Variants in ENKUR observed in about 807,000 individuals in gnomAD.
The protein encoded by ENKUR is enkurin, TRPC channel interacting protein, also known as enkurin.
In ENKUR, 19 loss-of-function variants were observed where a neutral mutation model predicts 27.6. The observed-to-expected ratio is 0.69, with a 90% CI of 0.48 to 1.01. The LOEUF (loss-of-function observed/expected upper bound fraction) is 1.01, where lower values mean the gene tolerates loss of function less well. ENKUR is among the 50% of genes least tolerant of loss of function. ENKUR has a pLI of 0.00. For synonymous variants in ENKUR, 117 were observed against 96.9 expected, an observed-to-expected ratio of 1.21 and a Z score of -1.22; for missense variants, 312 against 310.5, an observed-to-expected ratio of 1.00 and a Z score of -0.04.
At chr10:25,057,117 T>C (rs1851267497) in intron 2 of ENKUR, among the ~76,000 whole-genome samples, 2 of 152,056 alleles carry the variant, frequency 1.3e-5, no homozygotes, top group African/African-American at 4.8e-5. Flanking sequence ...TGAGAAAAAG[T>C]AAAAAGAAAA....
At chr10:24,990,179 G>A (rs1173858286) in intron 4 of ENKUR, among the ~76,000 whole-genome samples, 1 of 152,126 alleles carries the variant, frequency 6.6e-6, no homozygotes, top group East Asian at 1.9e-4. Context: ...TTCATTTCAT[G>A]CATGTTCGTT....
intron 2 of ENKUR, among the ~76,000 whole-genome samples, chr10:25,056,542 G>C (rs1469709500): frequency 1.3e-5 from 2 of 152,178 alleles, no homozygotes; most frequent in Non-Finnish European, 2.9e-5. Context: ...TCTCGAGTTG[G>C]GAGAACGTAC....
At position 24,982,051 on chromosome 10, in the gene ENKUR, T is replaced by C. The variant is rs937468479; in HGVS notation, c.*2319A>G. ...AGTACCTTCTCTATACCAGCTGTTA[T>C]GCAGATTCTAAGGAATGCAGATGAA... On this transcript the variant is annotated 3_prime_UTR_variant, in exon 6 of 6. Transcript: ENST00000331161. 1 of 152,244 alleles carries C rather than the reference T, an allele frequency of 6.6e-6. No individual in the cohort carries two copies. Among genetic ancestry groups the C allele is most frequent in the Non-Finnish European group, 1.5e-5 (1 of 68,040 alleles). The allele number at this position is 152,244 out of a possible 1,614,324, so 9.4% of individuals were successfully genotyped here. A position where few individuals can be genotyped will look rare whatever the true frequency, so the allele number is the denominator to read the frequency against.
chr10:25,024,651 A>G (rs548636597), intron 2 of ENKUR: 1 of 1,614,248 alleles, frequency 6.2e-7, no homozygotes, highest in South Asian at 1.1e-5. Flanking sequence ...GGGGCCGACT[A>G]CTTCCGCAGG....
chr10:25,023,656 C>T, intron 2 of ENKUR: 1 of 1,614,084 alleles, frequency 6.2e-7, no homozygotes, highest in Non-Finnish European at 8.5e-7. Context: ...CATGTGGCAT[C>T]TGAAGAAAAA....
intron 2 of ENKUR, among the ~76,000 whole-genome samples, chr10:25,046,868 T>G: frequency 6.6e-6 from 1 of 152,240 alleles, no homozygotes; most frequent in East Asian, 1.9e-4. Flanking sequence ...GTGGCTGTAC[T>G]TGAAAGTAAG....
At chr10:24,997,960 A>G (rs974891337) in intron 2 of ENKUR, among the ~76,000 whole-genome samples, 10 of 152,140 alleles carry the variant, frequency 6.6e-5, no homozygotes, top group East Asian at 5.8e-4. Context: ...ATTGTTGGTC[A>G]TAGAATGCTG....
At chr10:25,018,403 A>G (rs1264142351), upstream of ENKUR, among the ~76,000 whole-genome samples, 1 of 152,242 alleles carries the variant, frequency 6.6e-6, no homozygotes, top group Non-Finnish European at 1.5e-5. Context: ...AAAGGGGTAG[A>G]CAGTAAATAT....
At chr10:25,037,031 C>T (rs1342758479) in intron 2 of ENKUR, among the ~76,000 whole-genome samples, 2 of 152,124 alleles carry the variant, frequency 1.3e-5, no homozygotes, top group African/African-American at 4.8e-5. Context: ...ACAGTTACAC[C>T]GGCAAATTGG....
chr10:25,034,147 C>T (rs550898014), intron 2 of ENKUR, among the ~76,000 whole-genome samples: 6 of 151,602 alleles, frequency 4.0e-5, no homozygotes, highest in Middle Eastern at 3.4e-3. Context: ...TACAGTAAAA[C>T]GTATTATTTA....
intron 1 of ENKUR, 47 bp downstream of exon 1, chr10:25,015,811 AGT>A: frequency 6.6e-7 from 1 of 1,517,780 alleles, no homozygotes; most frequent in Non-Finnish European, 8.9e-7. Flanking sequence ...ATTAATACTG[AGT>A]ATTCCCCATT....
At chr10:25,020,696 A>G (rs1850702051), upstream of ENKUR, among the ~76,000 whole-genome samples, 1 of 151,720 alleles carries the variant, frequency 6.6e-6, no homozygotes, top group Non-Finnish European at 1.5e-5. Context: ...AGCTGAGATC[A>G]TGCCACTGCA....
At chr10:25,058,533 A>T (rs1851286287) in intron 2 of ENKUR, among the ~76,000 whole-genome samples, 1 of 152,206 alleles carries the variant, frequency 6.6e-6, no homozygotes, top group African/African-American at 2.4e-5. Flanking sequence ...TAGAGCAAAA[A>T]TTGGTTCTCA....
intron 2 of ENKUR, among the ~76,000 whole-genome samples, chr10:25,052,662 C>T (rs931756844): frequency 2.6e-5 from 4 of 152,104 alleles, no homozygotes; most frequent in African/African-American, 7.2e-5. Context: ...GTCTCAGCTA[C>T]TCAGGAGGCT....
intron 1 of ENKUR, among the ~76,000 whole-genome samples, chr10:25,006,169 C>A (rs536495871): frequency 6.6e-6 from 1 of 152,136 alleles, no homozygotes; most frequent in Non-Finnish European, 1.5e-5. Flanking sequence ...CAGATAGCTG[C>A]ACACCCAGAG....
At chr10:25,004,892 G>C (rs1185995047) in intron 1 of ENKUR, among the ~76,000 whole-genome samples, 4 of 152,000 alleles carry the variant, frequency 2.6e-5, no homozygotes, top group Non-Finnish European at 2.9e-5. Context: ...TTATAGTTTT[G>C]GGTTTTACGT....
intron 2 of ENKUR, among the ~76,000 whole-genome samples, chr10:25,057,537 T>G (rs1755675811): frequency 6.6e-6 from 1 of 152,126 alleles, no homozygotes; most frequent in African/African-American, 2.4e-5. Flanking sequence ...TTTTATTCAA[T>G]GAATTAATTG....
intron 2 of ENKUR, among the ~76,000 whole-genome samples, chr10:25,054,457 TTTTCTTTC>T (rs55635166): frequency 0.013 from 1,303 of 100,912 alleles, 15 homozygotes; most frequent in African/African-American, 0.023. Flanking sequence ...GTTTTTTCTC[TTTTCTTTC>T]TTTCTTTCTT....
intron 2 of ENKUR, among the ~76,000 whole-genome samples, chr10:25,052,229 C>T (rs1851194411): frequency 6.6e-6 from 1 of 152,088 alleles, no homozygotes; most frequent in Admixed American, 6.5e-5. Flanking sequence ...TAAGACAAAG[C>T]AAACAAAAAT....
Sources: allele counts gnomAD v4.1 joint callset (sites outside exome capture counted in the v4.1 genomes callset), GRCh38; gene constraint gnomAD v4.1.1; transcripts MANE v1.5; gene names NCBI Gene and HGNC (gene_info 2026-07-23, HGNC 2026-07-21).